PTPN22: variants seen among roughly 807,000 people sequenced by gnomAD.
PTPN22 encodes the protein protein tyrosine phosphatase non-receptor type 22.
A neutral mutation model predicts 103.3 loss-of-function variants in PTPN22; 85 were observed. That is an observed-to-expected ratio of 0.82 (90% confidence interval 0.69 to 0.99). The LOEUF is 0.99. Among genes scored for constraint, PTPN22 ranks in the 50% least tolerant of loss-of-function variants. The pLI is 0.00. For synonymous variants in PTPN22, 323 were observed against 310.2 expected, an observed-to-expected ratio of 1.04 and a Z score of -0.43; for missense variants, 865 against 936.9, an observed-to-expected ratio of 0.92 and a Z score of 1.00.
At chr1:113,858,249 G>C (rs1202644364) in intron 4 of PTPN22, among the ~76,000 whole-genome samples, 3 of 151,936 alleles carry the variant, frequency 2.0e-5, no homozygotes, top group African/African-American at 4.8e-5. Context: ...GTAGAGACAG[G>C]GTTTTGCAAT....
intron 11 of PTPN22, among the ~76,000 whole-genome samples, chr1:113,839,660 C>A (rs1663348086): frequency 6.6e-6 from 1 of 151,914 alleles, no homozygotes; most frequent in Non-Finnish European, 1.5e-5. Context: ...GCAGAAAAAG[C>A]GTTTGACAAA....
At chr1:113,854,497 A>G (rs763704356) in exon 9 of PTPN22, 11 of 1,613,902 alleles carry the variant, frequency 6.8e-6, no homozygotes, top group East Asian at 6.7e-5. Context: ...ATCCATGTAT[A>G]ATCAATAGCA....
chr1:113,821,990 A>G (rs1277908408), intron 19 of PTPN22, among the ~76,000 whole-genome samples: 1 of 152,228 alleles, frequency 6.6e-6, no homozygotes, highest in Non-Finnish European at 1.5e-5. Flanking sequence ...TAGTCATCAC[A>G]GTGTGGCTTG....
At position 113,838,118 on chromosome 1, in the gene PTPN22, A is replaced by AATT. The variant is rs112873647; in HGVS notation, c.1279_1281dup (p.Asn427dup). The AATT allele has an allele frequency of 4.7e-4, 752 of 1,614,082 alleles. 2 individuals carry two copies. The African/African-American group carries it at 9.0e-3, about 19-fold the overall frequency. On this transcript the variant is annotated inframe_insertion, in exon 13 of 21. Coordinates refer to ENST00000359785, the Ensembl canonical transcript of PTPN22. ...CTTCCTGCTGCATTTACAGGTTTAG[A>AATT]ATTAGAACATCCCTCAAACAAAAGA...
chr1:113,829,861 G>T, intron 17 of PTPN22, 88 bp downstream of exon 17: 5 of 1,316,280 alleles, frequency 3.8e-6, no homozygotes, highest in Non-Finnish European at 5.4e-6. Flanking sequence ...AATCATTTTT[G>T]TACCTTTCCA....
intron 9 of PTPN22, 84 bp downstream of exon 9, chr1:113,854,387 T>C: frequency 4.9e-6 from 6 of 1,226,078 alleles, no homozygotes; most frequent in Non-Finnish European, 7.2e-6. Flanking sequence ...ATCATGAAGA[T>C]AGATGTTTTG....
chr1:113,859,225 T>G, intron 2 of PTPN22, 127 bp downstream of exon 2: 4 of 1,550,330 alleles, frequency 2.6e-6, no homozygotes, highest in Non-Finnish European at 3.5e-6. Flanking sequence ...TTTGCAGTCA[T>G]AAATAGTACA....
At chr1:113,837,154 G>A (rs1032706748) in intron 13 of PTPN22, among the ~76,000 whole-genome samples, 3 of 151,908 alleles carry the variant, frequency 2.0e-5, no homozygotes, top group African/African-American at 7.2e-5. Context: ...GCAGGAAGAA[G>A]AAAGAGAAGG....
intron 4 of PTPN22, 124 bp from the exon 5 acceptor site, chr1:113,857,900 C>T (rs1665217807): frequency 1.2e-6 from 1 of 811,264 alleles, no homozygotes; most frequent in Admixed American, 2.8e-5. Flanking sequence ...TTTTTTTTAA[C>T]CAAAAAATAA....
At chr1:113,835,100 T>C (rs1662867362) in intron 13 of PTPN22, 107 bp from the exon 14 acceptor site, 2 of 619,186 alleles carry the variant, frequency 3.2e-6, no homozygotes, top group Admixed American at 8.6e-5. Context: ...TATATTTAAA[T>C]TCCGTTGAAG....
At chr1:113,842,867 C>T (rs983644316) in intron 11 of PTPN22, among the ~76,000 whole-genome samples, 1 of 150,836 alleles carries the variant, frequency 6.6e-6, no homozygotes, top group Admixed American at 6.6e-5. Context: ...TTTGGGAGGC[C>T]GAGGCGGGCG....
intron 11 of PTPN22, among the ~76,000 whole-genome samples, chr1:113,839,976 C>A (rs756331458): frequency 1.6e-4 from 25 of 151,894 alleles, no homozygotes; most frequent in Non-Finnish European, 3.2e-4. Context: ...CTTTGGGAGG[C>A]CAAGGTGAGT....
At chr1:113,863,687 C>G (rs1387830109) in intron 1 of PTPN22, among the ~76,000 whole-genome samples, 1 of 152,076 alleles carries the variant, frequency 6.6e-6, no homozygotes, top group Non-Finnish European at 1.5e-5. Context: ...AGTATCATTA[C>G]TATAATATAC....
At position 113,846,986 on chromosome 1, in the gene PTPN22, T is replaced by G. The variant is rs1265001308; in HGVS notation, c.915+1554A>C. Among the ~76,000 whole-genome samples, 3 of 143,876 alleles carry G rather than the reference T, an allele frequency of 2.1e-5. No individual in the cohort carries two copies. The East Asian group carries it at 6.0e-4, about 29-fold the overall frequency. 94.4% of individuals were successfully genotyped at this position (143,876 alleles called of 152,430 possible). A position where few individuals can be genotyped will look rare whatever the true frequency, so the allele number is the denominator to read the frequency against. On this transcript the variant is annotated intron_variant, in intron 11 of 20. Coordinates refer to ENST00000359785, the Ensembl canonical transcript of PTPN22. ...TTCTTTCTGGATTTTGATGACCCAA[T>G]GCTAGATTTTTTTTTTTTTTTTTTT...
intron 1 of PTPN22, among the ~76,000 whole-genome samples, chr1:113,861,794 A>G (rs1665630614): frequency 6.6e-6 from 1 of 152,196 alleles, no homozygotes; most frequent in East Asian, 1.9e-4. Flanking sequence ...ACACCAGAAA[A>G]GGAGGAACCC....
chr1:113,867,305 G>A (rs1666201803), intron 1 of PTPN22, among the ~76,000 whole-genome samples: 1 of 152,230 alleles, frequency 6.6e-6, no homozygotes, highest in East Asian at 1.9e-4. Context: ...AACACTATTG[G>A]ATAAGGATTA....
intron 18 of PTPN22, among the ~76,000 whole-genome samples, chr1:113,827,200 A>G (rs1662156290): frequency 6.6e-6 from 1 of 152,186 alleles, no homozygotes; most frequent in Admixed American, 6.5e-5. Context: ...GTGCTCTTCC[A>G]TGGAATAGAT....
At chr1:113,865,305 C>T (rs1666028354) in intron 1 of PTPN22, among the ~76,000 whole-genome samples, 1 of 151,942 alleles carries the variant, frequency 6.6e-6, no homozygotes, top group Non-Finnish European at 1.5e-5. Context: ...CTATTTTATG[C>T]TAGTTATATC....
chr1:113,857,063 G>A (rs1665147475), intron 5 of PTPN22, among the ~76,000 whole-genome samples: 1 of 152,150 alleles, frequency 6.6e-6, no homozygotes, highest in Non-Finnish European at 1.5e-5. Context: ...AAAATGAAAA[G>A]AGGTGAAATT....
Sources: gnomAD v4.1 joint callset for allele counts (sites outside exome capture counted in the v4.1 genomes callset) on GRCh38, gnomAD v4.1.1 for gene constraint, MANE v1.5 for transcripts, NCBI Gene and HGNC (gene_info 2026-07-23, HGNC 2026-07-21) for gene names.